SH3PXD2B: variants seen among roughly 807,000 people sequenced by gnomAD.
SH3PXD2B encodes SH3 and PX domain-containing protein 2B.
In SH3PXD2B, 37 loss-of-function variants were observed where a neutral mutation model predicts 73.1. The observed-to-expected ratio is 0.51, with a 90% CI of 0.39 to 0.67. SH3PXD2B has a LOEUF of 0.67. Among genes scored for constraint, SH3PXD2B ranks in the 30% least tolerant of loss-of-function variants. The pLI, the probability that SH3PXD2B is intolerant of heterozygous loss-of-function variation, is 0.00. For missense variants in SH3PXD2B, 1,053 were observed against 1,197.8 expected (o/e 0.88, Z 1.78); for synonymous variants, 457 against 480.5 (o/e 0.95, Z 0.64).
Position 172,339,273 on chromosome 5 carries a change from T to A in SH3PXD2B, c.1832A>T (p.Asn611Ile), listed in dbSNP as rs775536390. Reference protein sequence around the residue: ...KVLAKEVKKPNLRPISKSKTD... With the variant: ...KVLAKEVKKPILRPISKSKTD... ...TTTGGATTTGGAGATGGGCCGGAGG[T>A]TGGGCTTCTTCACTTCCTTGGCCAA... Residue 611 changes from asparagine (N) to isoleucine (I), a missense_variant, in exon 13 of 13, where the codon AAC becomes ATC. Physicochemically the swap from Asn to Ile is moderately radical, Grantham distance 149. Transcript: ENST00000311601. The surrounding 1 kb of genome is among the most constrained non-coding windows in gnomAD (Gnocchi z 6.1). The A allele has an allele frequency of 6.2e-7, 1 of 1,614,070 alleles. No homozygotes were observed. The highest frequency in any genetic ancestry group is 1.1e-5 in the South Asian group (1 of 91,078).
At chr5:172,432,529 T>A (rs1237726965) in intron 1 of SH3PXD2B, among the ~76,000 whole-genome samples, 1 of 152,192 alleles carries the variant, frequency 6.6e-6, no homozygotes, top group African/African-American at 2.4e-5. Context: ...CACGTGCCCA[T>A]GTCCGAAAAT....
rs558687168 is a variant in SH3PXD2B, at chr5:172,415,043, A to G, written c.156+7373T>C. ...GGGAGGTCCCTCTGTGAACACCTGG[A>G]TTTCTCTCTATCTGAAAGAACATGT... On this transcript the variant is annotated intron_variant, in intron 2 of 12. Coordinates refer to ENST00000311601, the MANE Select transcript of SH3PXD2B (RefSeq NM_001017995.3). Among the ~76,000 whole-genome samples, 3 of 152,246 alleles carry G rather than the reference A, an allele frequency of 2.0e-5. No individual in the cohort carries two copies. The South Asian group carries it at 6.2e-4, about 32-fold the overall frequency.
intron 6 of SH3PXD2B, among the ~76,000 whole-genome samples, chr5:172,372,056 T>C (rs1377891531): frequency 6.6e-6 from 1 of 152,220 alleles, no homozygotes; most frequent in Non-Finnish European, 1.5e-5. Flanking sequence ...AGAGAATGAC[T>C]GTGGGGCCTG....
At chr5:172,409,339 G>A (rs570321112) in intron 2 of SH3PXD2B, among the ~76,000 whole-genome samples, 2 of 150,942 alleles carry the variant, frequency 1.3e-5, no homozygotes, top group Admixed American at 6.6e-5. Flanking sequence ...CCGAGACCGC[G>A]CCATTGCACT....
At position 172,407,796 on chromosome 5, in the gene SH3PXD2B, A is replaced by G. The variant is rs184456246; in HGVS notation, c.157-1444T>C. On this transcript the variant is annotated intron_variant, in intron 2 of 12. Coordinates refer to ENST00000311601, the MANE Select transcript of SH3PXD2B (RefSeq NM_001017995.3). ...GAGATATGTATACGAAACACCTACT[A>G]TCTGCCAGACATGGGCTAGATTCTT... Among the ~76,000 whole-genome samples, 261 of 152,330 alleles carry G rather than the reference A, an allele frequency of 1.7e-3. 1 individual carries two copies. The highest frequency in any genetic ancestry group is 6.0e-3 in the African/African-American group (249 of 41,582).
chr5:172,336,416 G>A lies in SH3PXD2B; in HGVS notation c.*1953C>T. ...GGGCACAGGGCCAAGTGGCAAGTGG[G>A]CCCTGCCCAAGCCTCTCTGGGAAAT... On this transcript the variant is annotated 3_prime_UTR_variant, in exon 13 of 13. Transcript: ENST00000311601. 4 of 985,936 alleles carry A rather than the reference G, an allele frequency of 4.1e-6. No individual in the cohort carries two copies. The highest frequency in any genetic ancestry group is 4.8e-6 in the Non-Finnish European group (4 of 830,004). 61.1% of individuals were successfully genotyped at this position (985,936 alleles called of 1,614,324 possible). A position where few individuals can be genotyped will look rare whatever the true frequency, so the allele number is the denominator to read the frequency against.
chr5:172,365,840 A>T lies in SH3PXD2B; in HGVS notation c.428-2971T>A, dbSNP rs1198524823. Among the ~76,000 whole-genome samples the T allele has an allele frequency of 4.1e-5, 6 of 146,838 alleles. No homozygotes were observed. The East Asian group carries it at 1.3e-3, about 33-fold the overall frequency. On this transcript the variant is annotated intron_variant, in intron 6 of 12. Coordinates refer to ENST00000311601, the MANE Select transcript of SH3PXD2B (RefSeq NM_001017995.3). Reference sequence around the variant, plus strand: ...TGCTGGCTTTTGAAGATTCTTGACTACCTGTGTCCTGGTCACTAGACTCAC... The same window carrying T: ...TGCTGGCTTTTGAAGATTCTTGACTTCCTGTGTCCTGGTCACTAGACTCAC...
rs1007699060 is a variant in SH3PXD2B at position 172,338,136 on chromosome 5, A to G, written c.*233T>C. On this transcript the variant is annotated 3_prime_UTR_variant, in exon 13 of 13. Transcript: ENST00000311601. The surrounding 1 kb of genome is among the most constrained non-coding windows in gnomAD (Gnocchi z 5.1). ...GGCAGGGATGCTGACATGGACAGAAAGCAAAGGCTGTGGGTTCTGAGCCTC... is the reference window on the plus strand; with the variant it reads ...GGCAGGGATGCTGACATGGACAGAAGGCAAAGGCTGTGGGTTCTGAGCCTC... The G allele has an allele frequency of 2.1e-6, 3 of 1,431,708 alleles. No individual in the cohort carries two copies. In the African/African-American group the frequency reaches 4.3e-5, roughly 21 times the overall value. The allele number at this position is 1,431,708 out of a possible 1,614,324, so 88.7% of individuals were successfully genotyped here.
chr5:172,356,308 C>T (rs139311564), intron 8 of SH3PXD2B, among the ~76,000 whole-genome samples: 1 of 152,298 alleles, frequency 6.6e-6, no homozygotes, highest in South Asian at 2.1e-4. Flanking sequence ...CCAGATCCAG[C>T]TCTGCTTGAA....
intron 1 of SH3PXD2B, among the ~76,000 whole-genome samples, chr5:172,450,339 C>T (rs569637430): frequency 9.8e-4 from 148 of 151,212 alleles, no homozygotes; most frequent in African/African-American, 3.3e-3. Flanking sequence ...GGAGGGCGTC[C>T]GGGGGGTTTG....
rs1263696589 is a variant in SH3PXD2B, at chr5:172,394,547, C to T, written c.309+16G>A. Reference sequence around the variant, plus strand: ...ACACCTACAGGGAAGACTGCGTGGGCATTTCTCAGCCTTACCTTACAGTAT... The same window carrying T: ...ACACCTACAGGGAAGACTGCGTGGGTATTTCTCAGCCTTACCTTACAGTAT... On this transcript the variant is annotated intron_variant, in intron 4 of 12. Transcript: ENST00000311601. The T allele has an allele frequency of 9.3e-6, 15 of 1,613,570 alleles. No individual in the cohort carries two copies. Among genetic ancestry groups the T allele is most frequent in the Non-Finnish European group, 1.3e-5 (15 of 1,179,556 alleles).
intron 6 of SH3PXD2B, among the ~76,000 whole-genome samples, chr5:172,370,751 T>G (rs1490033677): frequency 6.6e-6 from 1 of 152,214 alleles, no homozygotes; most frequent in Non-Finnish European, 1.5e-5. Context: ...AGCACTCAAC[T>G]TATTGAAACT....
downstream of SH3PXD2B, among the ~76,000 whole-genome samples, chr5:172,329,833 G>A (rs951916546): frequency 8.5e-5 from 13 of 152,094 alleles, no homozygotes; most frequent in Admixed American, 5.2e-4. Flanking sequence ...CACTGTGCCC[G>A]GCCAGCCTCC....
intron 2 of SH3PXD2B, among the ~76,000 whole-genome samples, chr5:172,418,475 G>A (rs1192106550): frequency 2.0e-5 from 3 of 152,118 alleles, no homozygotes; most frequent in Non-Finnish European, 2.9e-5. Context: ...ACCAAGGCTC[G>A]GCTCTCCCCA....
chr5:172,414,241 G>A (rs1431834763), intron 2 of SH3PXD2B, among the ~76,000 whole-genome samples: 1 of 152,156 alleles, frequency 6.6e-6, no homozygotes, highest in Non-Finnish European at 1.5e-5. Flanking sequence ...GGCTGAGGCG[G>A]GTGGATTGCT....
At chr5:172,373,439 G>A (rs561461879) in intron 6 of SH3PXD2B, among the ~76,000 whole-genome samples, 75 of 152,356 alleles carry the variant, frequency 4.9e-4, no homozygotes, top group African/African-American at 1.7e-3. Flanking sequence ...CTAGGAAGAA[G>A]TCTGCCTCCC....
chr5:172,367,067 A>G (rs1561907106), intron 6 of SH3PXD2B, among the ~76,000 whole-genome samples: 2 of 148,350 alleles, frequency 1.3e-5, no homozygotes, highest in East Asian at 2.0e-4. Flanking sequence ...CTCCCGAGTA[A>G]CTGGGACTAC....
intron 1 of SH3PXD2B, among the ~76,000 whole-genome samples, chr5:172,423,476 A>G (rs553209164): frequency 1.3e-4 from 19 of 149,750 alleles, no homozygotes; most frequent in Non-Finnish European, 2.4e-4. Context: ...CAATGCATAC[A>G]TAAGTGAAGA....
chr5:172,350,642 G>A lies in SH3PXD2B; in HGVS notation c.786-53C>T, dbSNP rs1055567084. On this transcript the variant is annotated intron_variant, in intron 9 of 12. Coordinates refer to ENST00000311601, the MANE Select transcript of SH3PXD2B (RefSeq NM_001017995.3). ...AACTGCTCCGCCAGGCCCAAGGGAAGAAGCCTTGCTCCTACTGGGAATCAC... is the reference window on the plus strand; with the variant it reads ...AACTGCTCCGCCAGGCCCAAGGGAAAAAGCCTTGCTCCTACTGGGAATCAC... 81 of 1,524,214 alleles carry A rather than the reference G, an allele frequency of 5.3e-5. 1 individual carries two copies. In the East Asian group the frequency reaches 2.0e-3, roughly 37 times the overall value. 94.4% of individuals were successfully genotyped at this position (1,524,214 alleles called of 1,614,324 possible).
Sources: allele counts gnomAD v4.1 joint callset (sites outside exome capture counted in the v4.1 genomes callset), GRCh38; gene constraint gnomAD v4.1.1; non-coding constraint Gnocchi (gnomAD v3.1); transcripts MANE v1.5; gene names NCBI Gene and HGNC (gene_info 2026-07-23, HGNC 2026-07-21).